PDE1C: variants seen among roughly 807,000 people sequenced by gnomAD.
PDE1C encodes phosphodiesterase 1C.
PDE1C carries 62 observed loss-of-function variants against 93.1 expected under a neutral mutation model. That is an observed-to-expected ratio of 0.67 (90% CI 0.54 to 0.82). The LOEUF (loss-of-function observed/expected upper bound fraction) is 0.82, where lower values mean the gene tolerates loss of function less well. Among genes scored for constraint, PDE1C ranks in the 40% least tolerant of loss-of-function variants. The pLI is 0.00. For missense variants in PDE1C, 742 were observed against 884.6 expected, an observed-to-expected ratio of 0.84 and a Z score of 2.04; for synonymous variants, 325 against 310.1, an observed-to-expected ratio of 1.05 and a Z score of -0.50.
At chr7:31,957,734 C>T (rs1244982862) in intron 2 of PDE1C, among the ~76,000 whole-genome samples, 2 of 152,144 alleles carry the variant, frequency 1.3e-5, no homozygotes, top group East Asian at 1.9e-4. Flanking sequence ...ATTTTCTCAG[C>T]AATTTCTTTC....
the PDE1C span, chr7:31,653,125 C>G: frequency 2.2e-6 from 1 of 460,158 alleles, no homozygotes; most frequent in Non-Finnish European, 3.4e-6. Context: ...GAATTGCAAA[C>G]AAAAAGTATC....
intron 1 of PDE1C, among the ~76,000 whole-genome samples, chr7:32,310,368 C>T (rs1428615597): frequency 6.6e-6 from 1 of 152,150 alleles, no homozygotes; most frequent in Non-Finnish European, 1.5e-5. Context: ...CAAGGATACC[C>T]AAGAAATGAC....
At chr7:32,031,684 T>G (rs1245989771) in intron 2 of PDE1C, among the ~76,000 whole-genome samples, 2 of 152,154 alleles carry the variant, frequency 1.3e-5, no homozygotes, top group African/African-American at 4.8e-5. Flanking sequence ...GAAGTCAAAT[T>G]AGACTAGGGC....
At chr7:32,350,564 A>C (rs1264151166) in intron 1 of PDE1C, among the ~76,000 whole-genome samples, 39 of 528 alleles carry the variant, frequency 0.074, 16 homozygotes, top group Admixed American at 0.43. Context: ...ATATATATAT[A>C]TATATATATA....
At chr7:32,369,385 A>T (rs1221438156) in intron 1 of PDE1C, among the ~76,000 whole-genome samples, 1 of 152,268 alleles carries the variant, frequency 6.6e-6, no homozygotes, top group Non-Finnish European at 1.5e-5. Flanking sequence ...AAATACATGG[A>T]AAAAATTATC....
intron 1 of PDE1C, among the ~76,000 whole-genome samples, chr7:32,388,769 G>A (rs1170631694): frequency 6.6e-6 from 1 of 151,488 alleles, no homozygotes; most frequent in Non-Finnish European, 1.5e-5. Context: ...TACAGTGTGA[G>A]CAAACAGTAC....
chr7:32,129,513 C>A (rs1047919848), intron 3 of PDE1C, among the ~76,000 whole-genome samples: 1 of 123,820 alleles, frequency 8.1e-6, no homozygotes. Context: ...ATAAAAAATA[C>A]ATAATTTCAA....
At chr7:31,804,374 G>A (rs77996714) in intron 16 of PDE1C, among the ~76,000 whole-genome samples, 2 of 151,704 alleles carry the variant, frequency 1.3e-5, no homozygotes, top group African/African-American at 4.8e-5. Flanking sequence ...TGAGCATCAG[G>A]ACTGTTCCCT....
At chr7:32,304,909 T>C (rs536306470) in intron 1 of PDE1C, among the ~76,000 whole-genome samples, 152 of 152,324 alleles carry the variant, frequency 1.0e-3, no homozygotes, top group South Asian at 1.9e-3. Flanking sequence ...ATCACTAGCA[T>C]ACTAGGTCCC....
At chr7:32,269,615 GACTACAGGC>G (rs1489144907) in intron 1 of PDE1C, among the ~76,000 whole-genome samples, 3 of 152,130 alleles carry the variant, frequency 2.0e-5, no homozygotes, top group Non-Finnish European at 4.4e-5. Flanking sequence ...GAGTAGCTGG[GACTACAGGC>G]ACATGCCACC....
chr7:32,031,525 A>G (rs1370606804), intron 2 of PDE1C, among the ~76,000 whole-genome samples: 1 of 152,140 alleles, frequency 6.6e-6, no homozygotes, highest in Non-Finnish European at 1.5e-5. Context: ...AAATCACAGA[A>G]GTGTTAACAG....
chr7:32,269,200 T>G (rs1276749607), intron 1 of PDE1C, among the ~76,000 whole-genome samples: 5 of 152,190 alleles, frequency 3.3e-5, no homozygotes, highest in African/African-American at 9.6e-5. Flanking sequence ...TTCTCACACT[T>G]TAATGTGACA....
chr7:31,754,080 A>T (rs578229162), intron 17 of PDE1C, among the ~76,000 whole-genome samples: 1 of 152,244 alleles, frequency 6.6e-6, no homozygotes, highest in Non-Finnish European at 1.5e-5. Context: ...CAATTTTAAA[A>T]TGGGCAAAAC....
At chr7:31,727,828 G>A in the PDE1C span, among the ~76,000 whole-genome samples, 1 of 152,122 alleles carries the variant, frequency 6.6e-6, no homozygotes, top group African/African-American at 2.4e-5. Context: ...GATCACTTGA[G>A]GTCAGGAGTT....
chr7:31,997,663 A>T (rs1563164585), intron 2 of PDE1C, among the ~76,000 whole-genome samples: 1 of 152,214 alleles, frequency 6.6e-6, no homozygotes, highest in Non-Finnish European at 1.5e-5. Context: ...GTTGCTCATC[A>T]AAGATAACTT....
the PDE1C span, among the ~76,000 whole-genome samples, chr7:31,692,202 G>A: frequency 6.6e-6 from 1 of 152,286 alleles, no homozygotes; most frequent in Non-Finnish European, 1.5e-5. Flanking sequence ...ATCTGTCAGT[G>A]TGAGGGTGGG....
chr7:32,328,091 G>A (rs1783440175), intron 1 of PDE1C, among the ~76,000 whole-genome samples: 1 of 152,174 alleles, frequency 6.6e-6, no homozygotes, highest in African/African-American at 2.4e-5. Context: ...GTTCAAAAGT[G>A]ATGTATATAT....
the PDE1C span, among the ~76,000 whole-genome samples, chr7:31,721,238 T>G: frequency 6.6e-6 from 1 of 152,200 alleles, no homozygotes; most frequent in Non-Finnish European, 1.5e-5. Context: ...TGATCGACCC[T>G]CAGCAACAGA....
the PDE1C span, among the ~76,000 whole-genome samples, chr7:31,661,129 T>C: frequency 1.3e-5 from 2 of 152,070 alleles, no homozygotes; most frequent in Admixed American, 6.5e-5. Context: ...GGTATGATTG[T>C]CAAATAAGTC....
Sources: gnomAD v4.1 joint callset for allele counts (sites outside exome capture counted in the v4.1 genomes callset) on GRCh38, gnomAD v4.1.1 for gene constraint, MANE v1.5 for transcripts, NCBI Gene and HGNC (gene_info 2026-07-23, HGNC 2026-07-21) for gene names.